Variants in NCAM2 observed in about 807,000 individuals in gnomAD.
The protein encoded by NCAM2 is N-CAM-2.
Under a neutral mutation model 98.1 loss-of-function variants are expected in NCAM2, and 30 were observed. The ratio of observed to expected loss-of-function variants is 0.31; its 90% CI spans 0.23 to 0.41. The LOEUF (loss-of-function observed/expected upper bound fraction) is 0.41, where lower values mean the gene tolerates loss of function less well. Ranked by LOEUF, NCAM2 falls within the 10% of genes least tolerant of loss-of-function variation. The pLI, the probability that NCAM2 is intolerant of heterozygous loss-of-function variation, is 1.00. For synonymous variants in NCAM2, 368 were observed against 342.4 expected, an observed-to-expected ratio of 1.07 and a Z score of -0.83; for missense variants, 867 against 1,005.8, an observed-to-expected ratio of 0.86 and a Z score of 1.87.
chr21:21,338,593 A>G, intron 8 of NCAM2, 59 bp downstream of exon 8: 1 of 1,426,946 alleles, frequency 7.0e-7, no homozygotes, highest in Non-Finnish European at 9.3e-7. Flanking sequence ...TATTTTCAAT[A>G]TCATTAAATC....
At chr21:21,229,155 G>T (rs914694645) in intron 1 of NCAM2, among the ~76,000 whole-genome samples, 2 of 151,284 alleles carry the variant, frequency 1.3e-5, no homozygotes, top group Non-Finnish European at 3.0e-5. Flanking sequence ...TGTTAATGTG[G>T]TATTTGAGGG....
chr21:21,010,736 A>T (rs2064194028), intron 1 of NCAM2, among the ~76,000 whole-genome samples: 1 of 152,088 alleles, frequency 6.6e-6, no homozygotes, highest in Non-Finnish European at 1.5e-5. Flanking sequence ...AAAGTCTCTA[A>T]GTCTCAGGTG....
At chr21:21,056,361 G>A (rs890747888) in intron 1 of NCAM2, among the ~76,000 whole-genome samples, 2 of 151,960 alleles carry the variant, frequency 1.3e-5, no homozygotes, top group African/African-American at 4.8e-5. Flanking sequence ...TCCCCCAATA[G>A]CGTAATTTTA....
chr21:21,452,590 T>C (rs1392224805), intron 12 of NCAM2, among the ~76,000 whole-genome samples: 46 of 44,362 alleles, frequency 1.0e-3, no homozygotes, highest in African/African-American at 2.7e-3. Context: ...ATATATTGTA[T>C]TGTGCATATA....
chr21:21,471,604 A>G (rs951951733), intron 14 of NCAM2, among the ~76,000 whole-genome samples: 5 of 152,074 alleles, frequency 3.3e-5, no homozygotes, highest in African/African-American at 1.2e-4. Context: ...CTTTGGCCAC[A>G]TCTTTCAACT....
At chr21:21,034,179 G>C (rs1050404630) in intron 1 of NCAM2, among the ~76,000 whole-genome samples, 2 of 152,058 alleles carry the variant, frequency 1.3e-5, no homozygotes, top group Non-Finnish European at 2.9e-5. Flanking sequence ...CTCATTCTTG[G>C]AGTTGGCATT....
chr21:21,442,270 C>T (rs1200182623), intron 12 of NCAM2, among the ~76,000 whole-genome samples: 1 of 151,984 alleles, frequency 6.6e-6, no homozygotes, highest in South Asian at 2.1e-4. Context: ...TCAAACCAGG[C>T]AGTTGAGGAG....
intron 5 of NCAM2, among the ~76,000 whole-genome samples, chr21:21,301,631 C>T (rs1368779281): frequency 1.7e-3 from 224 of 134,472 alleles, no homozygotes; most frequent in African/African-American, 6.2e-3. Flanking sequence ...TGAGAATATG[C>T]GGTGTTTGGT....
At chr21:21,363,899 A>C (rs1378674696) in intron 8 of NCAM2, among the ~76,000 whole-genome samples, 2 of 152,030 alleles carry the variant, frequency 1.3e-5, no homozygotes, top group Non-Finnish European at 2.9e-5. Flanking sequence ...TTTTATCTTA[A>C]TAACTTCTGT....
chr21:21,542,831 GAGAT>G lies in NCAM2; in HGVS notation c.*4878_*4881del, dbSNP rs1178071078. On this transcript the variant is annotated 3_prime_UTR_variant, in exon 18 of 18. Transcript: ENST00000400546. ...TGTAACACAGAGGAGAAAGTTAACA[GAGAT>G]AGAATCTATGATTTAATTTTGCAAA... 1 of 151,858 alleles carries G rather than the reference GAGAT, an allele frequency of 6.6e-6. No homozygotes were observed. Among genetic ancestry groups the G allele is most frequent in the East Asian group, 1.9e-4 (1 of 5,196 alleles). 9.4% of individuals were successfully genotyped at this position (151,858 alleles called of 1,614,324 possible).
intron 16 of NCAM2, among the ~76,000 whole-genome samples, chr21:21,519,782 A>G (rs1481767731): frequency 2.0e-5 from 3 of 152,100 alleles, no homozygotes; most frequent in African/African-American, 7.2e-5. Context: ...CTTAATGAGG[A>G]ATAGGGTTAA....
intron 17 of NCAM2, among the ~76,000 whole-genome samples, chr21:21,536,599 A>C (rs1472749150): frequency 1.3e-5 from 2 of 152,092 alleles, no homozygotes; most frequent in African/African-American, 4.8e-5. Context: ...CATGTTGGTC[A>C]GGCCGGTCTC....
At chr21:21,247,250 C>T (rs1365550082) in intron 1 of NCAM2, among the ~76,000 whole-genome samples, 8 of 151,968 alleles carry the variant, frequency 5.3e-5, no homozygotes, top group Non-Finnish European at 7.4e-5. Context: ...ACCCGGGAGG[C>T]GGAGCTTGCA....
intron 6 of NCAM2, among the ~76,000 whole-genome samples, chr21:21,328,142 A>T (rs1312682570): frequency 2.0e-5 from 3 of 152,198 alleles, no homozygotes; most frequent in East Asian, 3.9e-4. Context: ...CCATAAGATT[A>T]TAATGGAGCT....
At chr21:21,484,480 C>T (rs1197644160) in intron 15 of NCAM2, among the ~76,000 whole-genome samples, 1 of 151,986 alleles carries the variant, frequency 6.6e-6, no homozygotes. Context: ...CGAATAAAGG[C>T]GAAAATGGAA....
chr21:21,248,453 A>T (rs900562475), intron 1 of NCAM2, among the ~76,000 whole-genome samples: 2 of 152,106 alleles, frequency 1.3e-5, no homozygotes, highest in Non-Finnish European at 2.9e-5. Flanking sequence ...CACAGGAAAA[A>T]ATTGTCACAT....
rs1989305079 is a variant in NCAM2, at chr21:21,526,067, G to GCTGT, written c.2283-8468_2283-8465dup. 2.0e-5 allele frequency among the ~76,000 whole-genome samples: 3 copies of GCTGT among 152,140 alleles called. No individual in the cohort carries two copies. In the South Asian group the frequency reaches 6.2e-4, roughly 32 times the overall value. On this transcript the variant is annotated intron_variant, in intron 16 of 17. Transcript: ENST00000400546. The stretch of plus-strand genomic sequence containing the variant: ...TTTACATCTTAGTGAGTAACTAGAA[G>GCTGT]CTGTCCCCACTATATCCTCTCTCAC...
intron 9 of NCAM2, among the ~76,000 whole-genome samples, chr21:21,388,005 T>C (rs188678812): frequency 6.6e-6 from 1 of 152,170 alleles, no homozygotes; most frequent in Non-Finnish European, 1.5e-5. Flanking sequence ...AAACTGCTGA[T>C]CAAAGCCAGG....
At chr21:21,160,088 T>G (rs1358921063) in intron 1 of NCAM2, among the ~76,000 whole-genome samples, 2 of 152,068 alleles carry the variant, frequency 1.3e-5, no homozygotes, top group Non-Finnish European at 2.9e-5. Context: ...GATTTAGCAT[T>G]TCTCAATAAC....
Sources: allele counts gnomAD v4.1 joint callset (sites outside exome capture counted in the v4.1 genomes callset), GRCh38; gene constraint gnomAD v4.1.1; transcripts MANE v1.5; gene names NCBI Gene and HGNC (gene_info 2026-07-23, HGNC 2026-07-21).